EFCAB5: variants seen among roughly 807,000 people sequenced by gnomAD.
EFCAB5 encodes EF-hand calcium-binding domain-containing protein 5.
Under a neutral mutation model 167.9 loss-of-function variants are expected in EFCAB5, and 131 were observed. The ratio of observed to expected loss-of-function variants is 0.78; its 90% CI spans 0.68 to 0.90. The LOEUF is 0.90. Among genes scored for constraint, EFCAB5 ranks in the 40% least tolerant of loss-of-function variants. The pLI, the probability that EFCAB5 is intolerant of heterozygous loss-of-function variation, is 0.00. For synonymous variants in EFCAB5, 574 were observed against 602.8 expected (o/e 0.95, Z 0.70); for missense variants, 1,663 against 1,745.2 (o/e 0.95, Z 0.84).
chr17:30,108,161 TTTC>T lies in EFCAB5; in HGVS notation c.*139_*141del, dbSNP rs1463727435. 1 of 1,027,296 alleles carries T rather than the reference TTTC, an allele frequency of 9.7e-7. No individual in the cohort carries two copies. The highest frequency in any genetic ancestry group is 1.7e-5 in the African/African-American group (1 of 59,416). The allele number at this position is 1,027,296 out of a possible 1,614,324, so 63.6% of individuals were successfully genotyped here. ...CTGCTGCTAATATTTATCTCAGCAC[TTTC>T]TAAACCCAAAAGTGCTACCTAAGAA... is the stretch of plus-strand genomic sequence containing the variant. On this transcript the variant is annotated 3_prime_UTR_variant, in exon 23 of 23. Transcript: ENST00000394835.
intron 8 of EFCAB5, among the ~76,000 whole-genome samples, chr17:30,036,305 TTATATATAATA>T (rs2069622702): frequency 8.3e-6 from 1 of 120,846 alleles, no homozygotes; most frequent in African/African-American, 3.8e-5. Flanking sequence ...TAATATATAA[TTATATATAATA>T]CACATATATA....
rs147885307 is a variant in EFCAB5 at position 29,966,640 on chromosome 17, T to C, written c.191-2151T>C. 1.1e-4 allele frequency among the ~76,000 whole-genome samples: 16 copies of C among 152,310 alleles called. No individual in the cohort carries two copies. The East Asian group carries it at 3.1e-3, about 29-fold the overall frequency. ...GTTAATAATGATTGTTAGGCTGTGATAGTATTTGTCAGGTTTCTCTACTGT... is the reference window on the plus strand; with the variant it reads ...GTTAATAATGATTGTTAGGCTGTGACAGTATTTGTCAGGTTTCTCTACTGT... On this transcript the variant is annotated intron_variant, in intron 3 of 22. Transcript: ENST00000394835.
chr17:30,059,718 T>C lies in EFCAB5; in HGVS notation c.2737+17T>C. The C allele has an allele frequency of 1.9e-6, 3 of 1,573,848 alleles. 1 individual carries two copies. Among genetic ancestry groups the C allele is most frequent in the South Asian group, 2.3e-5 (2 of 85,158 alleles). On this transcript the variant is annotated intron_variant, in intron 14 of 22. Coordinates refer to ENST00000394835, the MANE Select transcript of EFCAB5 (RefSeq NM_198529.4). ...TGAAGAAAGGTAAAATATAAGAATGTTCTTATTTAAACTGTGGTAATTAAC... is the reference window on the plus strand; with the variant it reads ...TGAAGAAAGGTAAAATATAAGAATGCTCTTATTTAAACTGTGGTAATTAAC...
At chr17:30,017,264 C>A (rs1401065300) in intron 7 of EFCAB5, among the ~76,000 whole-genome samples, 1 of 152,034 alleles carries the variant, frequency 6.6e-6, no homozygotes, top group Non-Finnish European at 1.5e-5. Flanking sequence ...TACCGTCACC[C>A]AGAATTAAAT....
chr17:30,048,594 G>A (rs536687494), intron 8 of EFCAB5, among the ~76,000 whole-genome samples: 40 of 151,426 alleles, frequency 2.6e-4, no homozygotes, highest in African/African-American at 9.0e-4. Flanking sequence ...TCCTGGGTTC[G>A]AGCGATTCTC....
upstream of EFCAB5, among the ~76,000 whole-genome samples, chr17:29,939,812 A>T (rs1237927386): frequency 6.6e-6 from 1 of 152,158 alleles, no homozygotes; most frequent in Non-Finnish European, 1.5e-5. Context: ...AGCTGATTTG[A>T]TCTTCTATCC....
At chr17:29,946,343 A>G (rs1381798762) in intron 3 of EFCAB5, among the ~76,000 whole-genome samples, 4 of 151,896 alleles carry the variant, frequency 2.6e-5, no homozygotes, top group Admixed American at 2.6e-4. Flanking sequence ...AGATGTTGGC[A>G]TGGATATGGT....
At chr17:30,087,032 A>T (rs1243751303) in intron 18 of EFCAB5, 31 bp from the exon 19 acceptor site, 2 of 1,593,766 alleles carry the variant, frequency 1.3e-6, no homozygotes, top group Non-Finnish European at 1.7e-6. Flanking sequence ...AGGTCTAATT[A>T]CTCCTAATGA....
Position 30,057,847 on chromosome 17 carries a change from G to A in EFCAB5, c.2537G>A (p.Gly846Asp), listed in dbSNP as rs748643570. ...SETLTSFFKEGYVETEQEKMN... is the reference protein window; with the variant it reads ...SETLTSFFKEDYVETEQEKMN... The stretch of plus-strand genomic sequence containing the variant: ...ACTCTCACCTCCTTTTTTAAGGAGG[G>A]CTATGTTGAAACAGAACAAGAGAAA... The change falls in exon 13 of 23, where the codon GGC (glycine) becomes GAC (aspartate). Residue 846 changes from glycine (G) to aspartate (D), a missense_variant. By Grantham distance (94) the Gly-to-Asp change is moderately conservative. Coordinates refer to ENST00000394835, the MANE Select transcript of EFCAB5 (RefSeq NM_198529.4). The A allele has an allele frequency of 1.2e-6, 2 of 1,613,626 alleles. No individual in the cohort carries two copies. The highest frequency in any genetic ancestry group is 2.2e-5 in the South Asian group (2 of 91,076).
At chr17:29,965,331 C>G (rs561664135) in intron 3 of EFCAB5, among the ~76,000 whole-genome samples, 6 of 151,942 alleles carry the variant, frequency 3.9e-5, no homozygotes, top group African/African-American at 1.2e-4. Flanking sequence ...TAGCTTTGTG[C>G]GTTTTCTAGT....
At chr17:29,974,392 AT>A (rs1205731048) in intron 4 of EFCAB5, among the ~76,000 whole-genome samples, 1 of 151,880 alleles carries the variant, frequency 6.6e-6, no homozygotes, top group African/African-American at 2.4e-5. Flanking sequence ...TAATAAAAAA[AT>A]TATCTTGGCT....
At chr17:29,951,340 T>C (rs151133599) in intron 3 of EFCAB5, among the ~76,000 whole-genome samples, 1 of 152,160 alleles carries the variant, frequency 6.6e-6, no homozygotes, top group African/African-American at 2.4e-5. Context: ...TGTTTTGTTT[T>C]GTTTGGTTTG....
chr17:29,949,026 A>T (rs1343467137), intron 3 of EFCAB5, among the ~76,000 whole-genome samples: 1 of 152,228 alleles, frequency 6.6e-6, no homozygotes, highest in Non-Finnish European at 1.5e-5. Flanking sequence ...TGTTTAAAGA[A>T]AACATCATAC....
chr17:29,946,867 C>G (rs971771289), intron 3 of EFCAB5, among the ~76,000 whole-genome samples: 2 of 152,162 alleles, frequency 1.3e-5, no homozygotes, highest in Non-Finnish European at 2.9e-5. Context: ...ATGTTTATTG[C>G]AGCACAATTC....
intron 22 of EFCAB5, among the ~76,000 whole-genome samples, chr17:30,102,637 A>G (rs2071396872): frequency 6.6e-6 from 1 of 152,154 alleles, no homozygotes; most frequent in Non-Finnish European, 1.5e-5. Context: ...TTAATCATCT[A>G]GAAAAGCATT....
upstream of EFCAB5, among the ~76,000 whole-genome samples, chr17:29,936,686 G>C (rs956021572): frequency 6.6e-6 from 1 of 152,180 alleles, no homozygotes; most frequent in Non-Finnish European, 1.5e-5. Flanking sequence ...TGATTGATAG[G>C]GAAATTGATG....
Position 30,034,293 on chromosome 17 carries a change from T to C in EFCAB5, c.1108T>C (p.Cys370Arg). 1.2e-6 allele frequency: 2 copies of C among 1,614,042 alleles called. No individual in the cohort carries two copies. Among genetic ancestry groups the C allele is most frequent in the Non-Finnish European group, 1.7e-6 (2 of 1,179,896 alleles). The part of the protein sequence containing the change: ...EMFEELLKHL[C>R]HSADEFREVI... ...GTTTGAGGAACTTCTTAAGCACCTT[T>C]GCCACTCTGCAGATGAATTTCGGGA... Residue 370 changes from cysteine to arginine, a missense_variant, in exon 8 of 23, where the codon TGC becomes CGC. Transcript: ENST00000394835.
intron 14 of EFCAB5, among the ~76,000 whole-genome samples, chr17:30,066,796 C>T (rs142774199): frequency 5.3e-4 from 80 of 151,696 alleles, no homozygotes; most frequent in African/African-American, 1.8e-3. Context: ...AAAAAAAAGA[C>T]CCAAATGAAT....
chr17:29,961,723 G>A (rs1382074037), intron 3 of EFCAB5, among the ~76,000 whole-genome samples: 1 of 151,742 alleles, frequency 6.6e-6, no homozygotes, highest in African/African-American at 2.4e-5. Flanking sequence ...CAAGTAGCTG[G>A]GACTATAGGT....
Sources: allele counts gnomAD v4.1 joint callset (sites outside exome capture counted in the v4.1 genomes callset), GRCh38; gene constraint gnomAD v4.1.1; transcripts MANE v1.5; gene names NCBI Gene and HGNC (gene_info 2026-07-23, HGNC 2026-07-21).